Variants in SLC39A11 observed in about 807,000 individuals in gnomAD.
SLC39A11 encodes the protein solute carrier family 39 member 11.
In SLC39A11, 33 loss-of-function variants were observed where a neutral mutation model predicts 36.1. The ratio of observed to expected loss-of-function variants is 0.91; its 90% CI spans 0.69 to 1.22. The LOEUF is 1.22. Ranked by LOEUF, SLC39A11 falls within the 50% of genes most tolerant of loss-of-function variation. SLC39A11 has a pLI of 0.00. For missense variants in SLC39A11, 432 were observed against 430.3 expected (o/e 1.00, Z -0.03); for synonymous variants, 166 against 170.3 (o/e 0.97, Z 0.20).
At chr17:72,772,227 A>G (rs957121254) in intron 6 of SLC39A11, among the ~76,000 whole-genome samples, 2 of 152,050 alleles carry the variant, frequency 1.3e-5, no homozygotes, top group African/African-American at 2.4e-5. Context: ...TCCCATCTTC[A>G]CGCTACAATT....
intron 5 of SLC39A11, among the ~76,000 whole-genome samples, chr17:72,922,016 C>G (rs150509318): frequency 6.4e-4 from 97 of 152,290 alleles, no homozygotes; most frequent in African/African-American, 2.3e-3. Flanking sequence ...CAAATGAAGA[C>G]AAAGCCAGAA....
chr17:72,746,819 G>C (rs2074957395), intron 6 of SLC39A11, among the ~76,000 whole-genome samples: 1 of 152,038 alleles, frequency 6.6e-6, no homozygotes, highest in Non-Finnish European at 1.5e-5. Flanking sequence ...GGATGAGATG[G>C]GAGGATCACT....
intron 5 of SLC39A11, among the ~76,000 whole-genome samples, chr17:72,853,253 C>T (rs921903466): frequency 2.0e-5 from 3 of 150,344 alleles, no homozygotes; most frequent in Non-Finnish European, 2.9e-5. Context: ...GTCTTGAATT[C>T]CTGGACTCAA....
chr17:72,720,760 G>A (rs370217659), intron 7 of SLC39A11, among the ~76,000 whole-genome samples: 11 of 152,266 alleles, frequency 7.2e-5, no homozygotes, highest in African/African-American at 1.2e-4. Context: ...AGGAAACAGA[G>A]GCACATAAGA....
At chr17:73,082,266 A>C (rs1458118741) in intron 3 of SLC39A11, among the ~76,000 whole-genome samples, 3 of 151,868 alleles carry the variant, frequency 2.0e-5, no homozygotes, top group Non-Finnish European at 2.9e-5. Context: ...TATTAGTGAT[A>C]GGAAAGAGAT....
intron 5 of SLC39A11, among the ~76,000 whole-genome samples, chr17:72,865,656 C>T (rs921648642): frequency 1.3e-5 from 2 of 151,964 alleles, no homozygotes; most frequent in Non-Finnish European, 2.9e-5. Context: ...GAAGGACTGA[C>T]GTTAAAAAGC....
At chr17:72,959,325 GTATATA>G (rs1186282631) in intron 4 of SLC39A11, among the ~76,000 whole-genome samples, 993 of 65,510 alleles carry the variant, frequency 0.015, 22 homozygotes, top group Admixed American at 0.048. Context: ...GTGTGTGTGT[GTATATA>G]TATATATATA....
chr17:72,772,626 T>C (rs1454927657), intron 6 of SLC39A11, among the ~76,000 whole-genome samples: 1 of 152,230 alleles, frequency 6.6e-6, no homozygotes, highest in Non-Finnish European at 1.5e-5. Flanking sequence ...ATAGGCTTCC[T>C]GTAGGCGTGT....
intron 7 of SLC39A11, among the ~76,000 whole-genome samples, chr17:72,660,693 G>A (rs2070371862): frequency 6.6e-6 from 1 of 152,192 alleles, no homozygotes; most frequent in Non-Finnish European, 1.5e-5. Flanking sequence ...GAGACCTGCA[G>A]GGTTTAATGG....
chr17:72,914,591 G>A (rs62069576), intron 5 of SLC39A11, among the ~76,000 whole-genome samples: 21,669 of 152,010 alleles, frequency 0.14, 1,862 homozygotes, highest in Non-Finnish European at 0.2. Flanking sequence ...TGTATAAAAC[G>A]TTGAATAGGC....
At chr17:72,781,571 C>T (rs1488424646) in intron 6 of SLC39A11, among the ~76,000 whole-genome samples, 3 of 152,060 alleles carry the variant, frequency 2.0e-5, no homozygotes, top group African/African-American at 7.2e-5. Flanking sequence ...TTACAGGCAC[C>T]CGCCACCATG....
At chr17:72,984,576 T>A (rs556482609) in intron 4 of SLC39A11, among the ~76,000 whole-genome samples, 19 of 152,224 alleles carry the variant, frequency 1.2e-4, no homozygotes, top group African/African-American at 4.6e-4. Flanking sequence ...CCCAGGAACT[T>A]GTTAGCAAGG....
At chr17:72,887,295 C>T (rs2081482664) in intron 5 of SLC39A11, among the ~76,000 whole-genome samples, 1 of 152,198 alleles carries the variant, frequency 6.6e-6, no homozygotes, top group South Asian at 2.1e-4. Flanking sequence ...AAGTCTACCT[C>T]CTCCAGTCTG....
chr17:72,949,950 GAC>G (rs67207508), intron 4 of SLC39A11, among the ~76,000 whole-genome samples: 4,324 of 146,130 alleles, frequency 0.03, 73 homozygotes, highest in Middle Eastern at 0.073. Flanking sequence ...AGGCTGCTGT[GAC>G]ACACACACAC....
intron 7 of SLC39A11, among the ~76,000 whole-genome samples, chr17:72,721,084 C>T (rs2567509): frequency 0.016 from 1,798 of 110,170 alleles, 46 homozygotes; most frequent in African/African-American, 0.065. Flanking sequence ...TGCTGTCCCT[C>T]GCCTTTTTTT....
chr17:72,855,714 G>A (rs2079605003), intron 5 of SLC39A11, among the ~76,000 whole-genome samples: 2 of 149,454 alleles, frequency 1.3e-5, no homozygotes, highest in Admixed American at 1.4e-4. Context: ...GGCTAACACA[G>A]TGAAACCCCG....
chr17:73,049,974 T>C (rs1452713368), intron 3 of SLC39A11, among the ~76,000 whole-genome samples: 1 of 151,972 alleles, frequency 6.6e-6, no homozygotes, highest in Non-Finnish European at 1.5e-5. Flanking sequence ...AATACAAAAA[T>C]TAGCCGGGCG....
At chr17:72,837,955 T>C (rs2078639710) in intron 6 of SLC39A11, 1 of 1,229,158 alleles carries the variant, frequency 8.1e-7, no homozygotes, top group Non-Finnish European at 1.0e-6. Flanking sequence ...GCTCAAAGAG[T>C]GTGGGGTTTC....
At chr17:72,847,260 G>T (rs2079092013) in intron 6 of SLC39A11, among the ~76,000 whole-genome samples, 1 of 152,076 alleles carries the variant, frequency 6.6e-6, no homozygotes, top group Non-Finnish European at 1.5e-5. Flanking sequence ...AAAATTAGCT[G>T]GGCATGATGG....
Sources: allele counts gnomAD v4.1 joint callset (sites outside exome capture counted in the v4.1 genomes callset), GRCh38; gene constraint gnomAD v4.1.1; transcripts MANE v1.5; gene names NCBI Gene and HGNC (gene_info 2026-07-23, HGNC 2026-07-21).